PTPRN2: variants seen among roughly 807,000 people sequenced by gnomAD.
PTPRN2 encodes protein tyrosine phosphatase receptor type N2, also known as receptor-type tyrosine-protein phosphatase N2.
Under a neutral mutation model 118.8 loss-of-function variants are expected in PTPRN2, and 74 were observed. The ratio of observed to expected loss-of-function variants is 0.62; its 90% CI spans 0.52 to 0.76. PTPRN2 has a LOEUF of 0.76. PTPRN2 is among the 30% of genes least tolerant of loss of function. The probability of loss-of-function intolerance (pLI) is 0.00; values close to 1 mark genes in which losing one functional copy is unlikely to be tolerated. For missense variants in PTPRN2, 1,481 were observed against 1,394.4 expected (o/e 1.06, Z -0.99); for synonymous variants, 641 against 608.0 (o/e 1.05, Z -0.80).
intron 11 of PTPRN2, among the ~76,000 whole-genome samples, chr7:158,043,916 C>A (rs951442091): frequency 6.6e-6 from 1 of 152,174 alleles, no homozygotes; most frequent in African/African-American, 2.4e-5. Flanking sequence ...GTCATTTGCT[C>A]AAAAAATGTG....
chr7:158,386,766 G>A (rs1811417795), intron 2 of PTPRN2, among the ~76,000 whole-genome samples: 1 of 152,182 alleles, frequency 6.6e-6, no homozygotes, highest in South Asian at 2.1e-4. Context: ...CCCTTCACAG[G>A]CTCCTACTGC....
At chr7:158,315,240 A>C (rs79496360) in intron 3 of PTPRN2, among the ~76,000 whole-genome samples, 1 of 29,372 alleles carries the variant, frequency 3.4e-5, no homozygotes, top group Non-Finnish European at 7.4e-5. Context: ...GGGACCCCCT[A>C]AAGGACAGAG....
chr7:157,982,116 G>A (rs1453829301), intron 11 of PTPRN2, among the ~76,000 whole-genome samples: 4 of 126,912 alleles, frequency 3.2e-5, no homozygotes, highest in African/African-American at 1.1e-4. Flanking sequence ...CAGAGACAAG[G>A]AGGGGAATGC....
At chr7:158,136,840 C>G (rs1025760595) in intron 7 of PTPRN2, 145 bp from the exon 8 acceptor site, 2 of 743,036 alleles carry the variant, frequency 2.7e-6, no homozygotes. Flanking sequence ...ATAGAGTAAA[C>G]CTTTTCTGTT....
chr7:157,753,878 C>A (rs1409615304), intron 12 of PTPRN2, among the ~76,000 whole-genome samples: 1 of 152,170 alleles, frequency 6.6e-6, no homozygotes, highest in Non-Finnish European at 1.5e-5. Flanking sequence ...CCTAGCACAG[C>A]ACCCCCATCC....
rs1169734733 is a variant in PTPRN2 at position 157,590,358 on chromosome 7, A to C, written c.2496+4880T>G. ...ACTCAGACTTCCACAGACCCCTCTG[A>C]GCTGGAGTAAGGACCAGGAATTCAG... On this transcript the variant is annotated intron_variant, in intron 17 of 22. Transcript: ENST00000389418. The surrounding 1 kb of genome is among the most constrained non-coding windows in gnomAD (Gnocchi z 4.0). Among the ~76,000 whole-genome samples, 1 of 152,234 alleles carries C rather than the reference A, an allele frequency of 6.6e-6. No homozygotes were observed. Among genetic ancestry groups the C allele is most frequent in the Non-Finnish European group, 1.5e-5 (1 of 68,038 alleles).
chr7:157,844,475 A>C (rs140105899), intron 12 of PTPRN2, among the ~76,000 whole-genome samples: 199 of 152,276 alleles, frequency 1.3e-3, no homozygotes, highest in African/African-American at 4.6e-3. Flanking sequence ...TCTGGGGCAG[A>C]GGAACGACCC....
At chr7:158,459,331 G>T (rs531634186) in intron 2 of PTPRN2, among the ~76,000 whole-genome samples, 1 of 12,870 alleles carries the variant, frequency 7.8e-5, no homozygotes, top group Non-Finnish European at 2.0e-4. Context: ...CAGAGCACCC[G>T]CCTGGGACGA....
chr7:158,457,037 A>C (rs2129441485), intron 2 of PTPRN2, among the ~76,000 whole-genome samples: 1 of 152,222 alleles, frequency 6.6e-6, no homozygotes, highest in South Asian at 2.1e-4. Flanking sequence ...GCTAAATTCC[A>C]TTAATTAAAA....
chr7:158,522,616 A>G (rs1053769035), intron 1 of PTPRN2, among the ~76,000 whole-genome samples: 2 of 152,246 alleles, frequency 1.3e-5, no homozygotes, highest in Admixed American at 6.5e-5. Flanking sequence ...AGATGCACTT[A>G]CAACATGCAC....
chr7:157,792,836 C>T (rs192755220), intron 12 of PTPRN2, among the ~76,000 whole-genome samples: 41 of 152,258 alleles, frequency 2.7e-4, no homozygotes, highest in Non-Finnish European at 4.6e-4. Flanking sequence ...CGTTCTACAG[C>T]GTGGCTGGTC....
chr7:157,592,483 C>T (rs994874399), intron 17 of PTPRN2, among the ~76,000 whole-genome samples: 2 of 151,888 alleles, frequency 1.3e-5, no homozygotes, highest in African/African-American at 4.8e-5. Flanking sequence ...GTGGATGTGG[C>T]ACCTGCTGAA....
At chr7:157,922,516 A>T (rs979113618) in intron 11 of PTPRN2, among the ~76,000 whole-genome samples, 1 of 152,244 alleles carries the variant, frequency 6.6e-6, no homozygotes. Context: ...AAAATTATGG[A>T]TGGAAAACAA....
intron 12 of PTPRN2, chr7:157,863,960 T>C (rs1810433118): frequency 6.6e-6 from 1 of 152,248 alleles, no homozygotes; most frequent in Non-Finnish European, 1.5e-5. Flanking sequence ...TCTGTGGGAC[T>C]TTGCCTCGGC....
intron 11 of PTPRN2, among the ~76,000 whole-genome samples, chr7:157,997,858 G>T: frequency 8.0e-6 from 1 of 124,822 alleles, no homozygotes; most frequent in South Asian, 3.0e-4. Context: ...GGAGTGCAGG[G>T]CTGGGGGAGA....
intron 2 of PTPRN2, among the ~76,000 whole-genome samples, chr7:158,369,576 C>G (rs1809804724): frequency 6.6e-6 from 1 of 152,166 alleles, no homozygotes; most frequent in African/African-American, 2.4e-5. Context: ...CAAGGGGAAT[C>G]TGCTCATTCA....
intron 1 of PTPRN2, among the ~76,000 whole-genome samples, chr7:158,514,979 C>G (rs1302285539): frequency 6.6e-6 from 1 of 152,144 alleles, no homozygotes; most frequent in African/African-American, 2.4e-5. Context: ...GAAGAGGATT[C>G]CGTGACCACT....
chr7:158,380,511 C>T (rs1032476265), intron 2 of PTPRN2, among the ~76,000 whole-genome samples: 34 of 152,214 alleles, frequency 2.2e-4, no homozygotes, highest in Non-Finnish European at 4.3e-4. Flanking sequence ...GAGGTGGGTT[C>T]TCATGGTCTT....
chr7:158,370,581 T>C lies in PTPRN2; in HGVS notation c.164-53649A>G, dbSNP rs1475610855. Among the ~76,000 whole-genome samples the C allele has an allele frequency of 3.3e-5, 5 of 151,696 alleles. No individual in the cohort carries two copies. The East Asian group carries it at 9.7e-4, about 30-fold the overall frequency. ...TCCTGGCCAACACGGTGAAACCCCG[T>C]CTCTACTAAAAATACAATAAATTAG... On this transcript the variant is annotated intron_variant, in intron 2 of 22. Transcript: ENST00000389418.
Sources: allele counts gnomAD v4.1 joint callset (sites outside exome capture counted in the v4.1 genomes callset), GRCh38; gene constraint gnomAD v4.1.1; non-coding constraint Gnocchi (gnomAD v3.1); transcripts MANE v1.5; gene names NCBI Gene and HGNC (gene_info 2026-07-23, HGNC 2026-07-21).